Variants in RB1CC1 observed in about 807,000 individuals in gnomAD.
RB1CC1 encodes the protein RB1 inducible coiled-coil 1.
In RB1CC1, 46 loss-of-function variants were observed where a neutral mutation model predicts 177.5. The observed-to-expected ratio is 0.26, with a 90% CI of 0.20 to 0.33. The LOEUF (loss-of-function observed/expected upper bound fraction) is 0.33, where lower values mean the gene tolerates loss of function less well. Among genes scored for constraint, RB1CC1 ranks in the 10% least tolerant of loss-of-function variants. The pLI, the probability that RB1CC1 is intolerant of heterozygous loss-of-function variation, is 1.00. For synonymous variants in RB1CC1, 666 were observed against 613.6 expected, an observed-to-expected ratio of 1.09 and a Z score of -1.26; for missense variants, 1,703 against 1,816.3, an observed-to-expected ratio of 0.94 and a Z score of 1.13.
chr8:52,657,354 A>T lies in RB1CC1; in HGVS notation c.2475T>A (p.Phe825Leu), dbSNP rs1259403041. The T allele has an allele frequency of 6.2e-7, 1 of 1,613,894 alleles. No homozygotes were observed. ...AGAAGTCACACTGTTCTTTTTGTACAAATGTTCTAAAGTGGCAAAGGTCTT... is the reference window on the plus strand; with the variant it reads ...AGAAGTCACACTGTTCTTTTTGTACTAATGTTCTAAAGTGGCAAAGGTCTT... ...IKEDLCHFRTFVQKEQCDFSN... is the reference protein window; with the variant it reads ...IKEDLCHFRTLVQKEQCDFSN... Residue 825 changes from phenylalanine to leucine, a missense_variant, in exon 15 of 24, where the codon TTT becomes TTA. This residue lies in a region of RB1CC1 where 1,169 missense variants were observed against 1,184.7 expected (regional missense o/e 0.99). Transcript: ENST00000025008.
chr8:52,673,821 A>G (rs1591045907), intron 7 of RB1CC1, 24 bp downstream of exon 7: 8 of 1,561,590 alleles, frequency 5.1e-6, no homozygotes, highest in Non-Finnish European at 6.9e-6. Flanking sequence ...ATGACAAAAC[A>G]AACATCAAAT....
intron 15 of RB1CC1, among the ~76,000 whole-genome samples, chr8:52,651,781 A>G (rs1000409270): frequency 2.0e-5 from 3 of 152,224 alleles, no homozygotes; most frequent in Admixed American, 6.5e-5. Context: ...GCTCTAAAAT[A>G]TGTTAACATT....
intron 12 of RB1CC1, 72 bp from the exon 13 acceptor site, chr8:52,659,048 C>A (rs531803957): frequency 2.7e-6 from 2 of 743,540 alleles, no homozygotes; most frequent in African/African-American, 1.9e-5. Flanking sequence ...TATATGATTT[C>A]TTACTATAAT....
Position 52,714,098 on chromosome 8 carries a change from G to A in RB1CC1, c.-190C>T, listed in dbSNP as rs1857301134. 3 of 350,620 alleles carry A rather than the reference G, an allele frequency of 8.6e-6. No individual in the cohort carries two copies. Among genetic ancestry groups the A allele is most frequent in the Non-Finnish European group, 1.7e-5 (3 of 173,302 alleles). 21.7% of individuals were successfully genotyped at this position (350,620 alleles called of 1,614,324 possible). On this transcript the variant is annotated 5_prime_UTR_variant, in exon 1 of 24. Transcript: ENST00000025008. ...ACCCGGCAACGCCTCCTCCTTCGCCGGCGGCAGCAGCAGAGCCAGCGACCC... is the reference window on the plus strand; with the variant it reads ...ACCCGGCAACGCCTCCTCCTTCGCCAGCGGCAGCAGCAGAGCCAGCGACCC...
chr8:52,674,042 T>C lies in RB1CC1; in HGVS notation c.805A>G (p.Thr269Ala). 6.2e-7 allele frequency: 1 copy of C among 1,614,186 alleles called. No individual in the cohort carries two copies. ...PKSVEHVSPD[T>A]ADAESGKEIR... ...TCTTTGCCACTTTCAGCATCTGCGG[T>C]ATCTGGGGACACATGTTCCACTGAC... Residue 269 changes from threonine to alanine, a missense_variant, in exon 7 of 24, where the codon ACC (threonine) becomes GCC (alanine). Physicochemically the swap from Thr to Ala is moderately conservative, Grantham distance 58. Around this residue, in one of 6 missense-constraint regions of RB1CC1, gnomAD observed 315 missense variants for 304.9 expected, o/e 1.03. Coordinates refer to ENST00000025008, the MANE Select transcript of RB1CC1 (RefSeq NM_014781.5).
intron 1 of RB1CC1, among the ~76,000 whole-genome samples, chr8:52,703,285 A>G (rs1856252803): frequency 6.6e-6 from 1 of 152,172 alleles, no homozygotes; most frequent in South Asian, 2.1e-4. Flanking sequence ...GGCTCTAACA[A>G]TTACCTATCT....
At position 52,657,978 on chromosome 8, in the gene RB1CC1, T is replaced by C. The variant is rs1851227153; in HGVS notation, c.1920+20A>G. The C allele has an allele frequency of 6.2e-7, 1 of 1,613,296 alleles. No individual in the cohort carries two copies. The highest frequency in any genetic ancestry group is 8.5e-7 in the Non-Finnish European group (1 of 1,179,726). ...CATTTTACACTAATGAAGAAAACTG[T>C]TTGAAAGAATTGAATTTGCCTTTTG... On this transcript the variant is annotated intron_variant, in intron 14 of 23. Coordinates refer to ENST00000025008, the MANE Select transcript of RB1CC1 (RefSeq NM_014781.5).
intron 1 of RB1CC1, among the ~76,000 whole-genome samples, chr8:52,704,820 C>T (rs188093282): frequency 6.6e-6 from 1 of 152,098 alleles, no homozygotes; most frequent in African/African-American, 2.4e-5. Flanking sequence ...TATAAATAAG[C>T]CTAGTACATA....
chr8:52,657,063 A>C lies in RB1CC1; in HGVS notation c.2766T>G (p.Ala922=). The part of the protein sequence containing the change: ...EFALVKHEKE[A]VICLQNEKDQ... ...CCTTTTCATTCTGCAGGCAGATTACAGCTTCTTTTTCATGTTTAACCAAAG... is the reference window on the plus strand; with the variant it reads ...CCTTTTCATTCTGCAGGCAGATTACCGCTTCTTTTTCATGTTTAACCAAAG... The change falls in exon 15 of 24, where the codon GCT becomes GCG. Residue 922 remains alanine, a synonymous_variant. Coordinates refer to ENST00000025008, the MANE Select transcript of RB1CC1 (RefSeq NM_014781.5). 1 of 1,612,262 alleles carries C rather than the reference A, an allele frequency of 6.2e-7. No individual in the cohort carries two copies. Among genetic ancestry groups the C allele is most frequent in the Non-Finnish European group, 8.5e-7 (1 of 1,179,616 alleles).
rs896497909 is a variant in RB1CC1 at position 52,674,382 on chromosome 8, T to C, written c.573-108A>G. ...TTATACACACAAATCTCACCACCTC[T>C]CCATAACATTATACATACATAAACT... On this transcript the variant is annotated intron_variant, in intron 6 of 23. Coordinates refer to ENST00000025008, the MANE Select transcript of RB1CC1 (RefSeq NM_014781.5). 5.6e-5 allele frequency: 53 copies of C among 948,554 alleles called. No homozygotes were observed. The East Asian group carries it at 1.3e-3, about 24-fold the overall frequency. The allele number at this position is 948,554 out of a possible 1,614,324, so 58.8% of individuals were successfully genotyped here. A position where few individuals can be genotyped will look rare whatever the true frequency, so the allele number is the denominator to read the frequency against.
intron 5 of RB1CC1, 105 bp from the exon 6 acceptor site, chr8:52,676,676 C>A: frequency 1.0e-6 from 1 of 990,064 alleles, no homozygotes; most frequent in South Asian, 1.5e-5. Context: ...TTGTAGAGCA[C>A]ATTTAACAAA....
intron 5 of RB1CC1, among the ~76,000 whole-genome samples, chr8:52,683,055 A>G (rs1262938199): frequency 1.3e-5 from 2 of 152,230 alleles, no homozygotes; most frequent in African/African-American, 4.8e-5. Flanking sequence ...AATGTCAATG[A>G]TATTACTAGA....
chr8:52,687,208 T>C (rs576910263), intron 1 of RB1CC1, among the ~76,000 whole-genome samples: 3 of 152,198 alleles, frequency 2.0e-5, no homozygotes, highest in Non-Finnish European at 4.4e-5. Flanking sequence ...TCCTCATTCC[T>C]TAAAATATTA....
In RB1CC1 at chr8:52,623,257, TTAG is replaced by T. The variant is rs905896773; in HGVS notation, c.*522_*524del. 18 of 155,856 alleles carry T rather than the reference TTAG, an allele frequency of 1.2e-4. No homozygotes were observed. Among genetic ancestry groups the T allele is most frequent in the African/African-American group, 4.3e-4 (18 of 41,394 alleles). The allele number at this position is 155,856 out of a possible 1,614,324, so 9.7% of individuals were successfully genotyped here. On this transcript the variant is annotated 3_prime_UTR_variant, in exon 24 of 24. Transcript: ENST00000025008. Reference sequence around the variant, plus strand: ...TTTAAAAAAACTGAAACAATTTGCTTTAGTATCTACTGAGGCAAACTCAAAATG... The same window carrying T: ...TTTAAAAAAACTGAAACAATTTGCTTTATCTACTGAGGCAAACTCAAAATG...
Position 52,706,826 on chromosome 8 carries a change from T to A in RB1CC1, c.-167+7249A>T, listed in dbSNP as rs183760381. Reference sequence around the variant, plus strand: ...GGCACCCACCACCACACCCAGCTAATTTTTTTTGTATTTTTAGTAGAGACA... The same window carrying A: ...GGCACCCACCACCACACCCAGCTAAATTTTTTTGTATTTTTAGTAGAGACA... On this transcript the variant is annotated intron_variant, in intron 1 of 23. Coordinates refer to ENST00000025008, the MANE Select transcript of RB1CC1 (RefSeq NM_014781.5). Among the ~76,000 whole-genome samples, 166 of 151,812 alleles carry A rather than the reference T, an allele frequency of 1.1e-3. 1 individual carries two copies. The highest frequency in any genetic ancestry group is 3.9e-3 in the African/African-American group (161 of 41,448).
intron 18 of RB1CC1, among the ~76,000 whole-genome samples, chr8:52,639,368 T>C (rs943607861): frequency 1.4e-5 from 2 of 144,238 alleles, no homozygotes; most frequent in African/African-American, 2.6e-5. Context: ...TACTCCTCTT[T>C]GGATATATCT....
intron 1 of RB1CC1, among the ~76,000 whole-genome samples, chr8:52,695,803 TTCTC>T (rs1426890150): frequency 6.6e-6 from 1 of 152,202 alleles, no homozygotes; most frequent in Non-Finnish European, 1.5e-5. Flanking sequence ...TTTTGTATCC[TTCTC>T]TTATAATAAA....
At chr8:52,633,721 C>T (rs1425442897) in intron 20 of RB1CC1, among the ~76,000 whole-genome samples, 3 of 152,050 alleles carry the variant, frequency 2.0e-5, no homozygotes, top group African/African-American at 7.2e-5. Flanking sequence ...TTTATTAAAA[C>T]ATATAATTGG....
At chr8:52,692,794 A>G (rs1855010203) in intron 1 of RB1CC1, among the ~76,000 whole-genome samples, 1 of 152,186 alleles carries the variant, frequency 6.6e-6, no homozygotes, top group Admixed American at 6.5e-5. Flanking sequence ...CCTTTACTAA[A>G]TACAATACAA....
Sources: allele counts gnomAD v4.1 joint callset (sites outside exome capture counted in the v4.1 genomes callset), GRCh38; gene constraint gnomAD v4.1.1; regional missense constraint gnomAD v4.1.1; transcripts MANE v1.5; gene names NCBI Gene and HGNC (gene_info 2026-07-23, HGNC 2026-07-21).